Variants in SHISA9 observed in about 807,000 individuals in gnomAD.
SHISA9 encodes shisa family member 9.
Under a neutral mutation model 38.0 loss-of-function variants are expected in SHISA9, and 13 were observed. The ratio of observed to expected loss-of-function variants is 0.34; its 90% confidence interval spans 0.22 to 0.54. The LOEUF is 0.54. Among genes scored for constraint, SHISA9 ranks in the 20% least tolerant of loss-of-function variants. The pLI is 0.91. For synonymous variants in SHISA9, 275 were observed against 242.0 expected (o/e 1.14, Z -1.27); for missense variants, 538 against 575.8 (o/e 0.93, Z 0.67).
At chr16:13,151,290 A>G (rs1305217520) in intron 2 of SHISA9, among the ~76,000 whole-genome samples, 1 of 152,014 alleles carries the variant, frequency 6.6e-6, no homozygotes, top group Non-Finnish European at 1.5e-5. Context: ...TATTTTTAGT[A>G]GAGATGGGGT....
chr16:13,383,925 G>C, the SHISA9 span, among the ~76,000 whole-genome samples: 1 of 152,138 alleles, frequency 6.6e-6, no homozygotes, highest in Non-Finnish European at 1.5e-5. Context: ...AAAGTGCTAG[G>C]ATTACAGACG....
intron 4 of SHISA9, among the ~76,000 whole-genome samples, chr16:13,218,111 T>G (rs974891321): frequency 1.3e-5 from 2 of 152,188 alleles, no homozygotes; most frequent in African/African-American, 2.4e-5. Flanking sequence ...GCTTTTCTGC[T>G]TTTATACATG....
chr16:13,041,889 A>G (rs2073135877), intron 2 of SHISA9, among the ~76,000 whole-genome samples: 1 of 152,206 alleles, frequency 6.6e-6, no homozygotes, highest in Non-Finnish European at 1.5e-5. Flanking sequence ...CAGGGGTAAT[A>G]AGAAGAATAT....
chr16:12,915,674 T>C (rs989052370), intron 1 of SHISA9, among the ~76,000 whole-genome samples: 25 of 152,066 alleles, frequency 1.6e-4, no homozygotes, highest in African/African-American at 5.1e-4. Flanking sequence ...AAGTGAAATG[T>C]GGGGATTGCT....
chr16:13,461,937 T>C, the SHISA9 span, among the ~76,000 whole-genome samples: 5 of 152,052 alleles, frequency 3.3e-5, no homozygotes, highest in South Asian at 1.0e-3. Context: ...TAAGGAAGTA[T>C]TCACCCAGGA....
chr16:12,983,065 A>G (rs966672262), intron 2 of SHISA9, among the ~76,000 whole-genome samples: 3 of 152,194 alleles, frequency 2.0e-5, no homozygotes, highest in Non-Finnish European at 4.4e-5. Context: ...GTAGGCTCAA[A>G]TCTCCCATGT....
the SHISA9 span, among the ~76,000 whole-genome samples, chr16:13,459,178 A>G: frequency 6.6e-6 from 1 of 152,146 alleles, no homozygotes; most frequent in African/African-American, 2.4e-5. Context: ...AATGAGAAAA[A>G]AATTATTGAA....
the SHISA9 span, among the ~76,000 whole-genome samples, chr16:13,327,134 A>AAG: frequency 6.6e-6 from 1 of 152,126 alleles, no homozygotes; most frequent in East Asian, 1.9e-4. Context: ...CTCTATGTGA[A>AAG]AGACGCATTC....
rs66479481 is a variant in SHISA9, at chr16:13,186,984, G to A, written c.692-16410G>A. Among the ~76,000 whole-genome samples the A allele has an allele frequency of 8.5e-5, 13 of 152,092 alleles. 1 individual carries two copies. The highest frequency in any genetic ancestry group is 1.9e-4 in the African/African-American group (8 of 41,386). On this transcript the variant is annotated intron_variant, in intron 2 of 4. Coordinates refer to ENST00000558583, the MANE Select transcript of SHISA9 (RefSeq NM_001145204.3). ...TATCCATTCATCTGTCGATGGACAC[G>A]TGGGTTGCTACCACCTCCTGGCTGT...
At chr16:13,198,138 C>G (rs2050966487) in intron 2 of SHISA9, among the ~76,000 whole-genome samples, 1 of 151,918 alleles carries the variant, frequency 6.6e-6, no homozygotes, top group Non-Finnish European at 1.5e-5. Context: ...TGAGCTGACA[C>G]CACTCCACTG....
intron 4 of SHISA9, among the ~76,000 whole-genome samples, chr16:13,219,248 G>C (rs2051199847): frequency 6.6e-6 from 1 of 152,212 alleles, no homozygotes; most frequent in Non-Finnish European, 1.5e-5. Context: ...GCCAGATCCT[G>C]TTCATTCCAA....
At chr16:12,959,627 G>A (rs2071883248) in intron 2 of SHISA9, among the ~76,000 whole-genome samples, 1 of 152,210 alleles carries the variant, frequency 6.6e-6, no homozygotes, top group Non-Finnish European at 1.5e-5. Flanking sequence ...GATAACCATT[G>A]TTAGAACTTG....
At chr16:13,173,153 GCA>G (rs10589865) in intron 2 of SHISA9, among the ~76,000 whole-genome samples, 19,750 of 150,508 alleles carry the variant, frequency 0.13, 1,401 homozygotes, top group Middle Eastern at 0.18. Flanking sequence ...ATGCACGTGC[GCA>G]CACACACACA....
At chr16:13,553,635 G>A in the SHISA9 span, among the ~76,000 whole-genome samples, 1 of 151,960 alleles carries the variant, frequency 6.6e-6, no homozygotes, top group Admixed American at 6.6e-5. Flanking sequence ...TGGCTTGTGA[G>A]CCAGGCACAA....
At chr16:13,072,665 CT>C (rs1051565551) in intron 2 of SHISA9, among the ~76,000 whole-genome samples, 1,824 of 145,558 alleles carry the variant, frequency 0.013, 22 homozygotes, top group Middle Eastern at 0.014. Flanking sequence ...AAAGTAAAAT[CT>C]TTTTTTTTTT....
intron 2 of SHISA9, among the ~76,000 whole-genome samples, chr16:13,164,967 T>C (rs1400044946): frequency 6.6e-6 from 1 of 152,212 alleles, no homozygotes; most frequent in African/African-American, 2.4e-5. Context: ...TTCTCATCTC[T>C]GTTTCCTCTG....
intron 2 of SHISA9, among the ~76,000 whole-genome samples, chr16:12,933,702 G>A (rs1467901719): frequency 6.6e-6 from 1 of 151,988 alleles, no homozygotes; most frequent in Non-Finnish European, 1.5e-5. Flanking sequence ...TTGAAAATGG[G>A]GCACATTATG....
intron 2 of SHISA9, among the ~76,000 whole-genome samples, chr16:13,100,547 T>C (rs2073868321): frequency 6.6e-6 from 1 of 152,138 alleles, no homozygotes; most frequent in Non-Finnish European, 1.5e-5. Context: ...GAATGACAGC[T>C]CATTCATATT....
chr16:13,394,928 GGTGTGTGTGTGT>G, the SHISA9 span, among the ~76,000 whole-genome samples: 321 of 139,504 alleles, frequency 2.3e-3, 1 homozygote, highest in African/African-American at 7.4e-3. Flanking sequence ...CAGTATCTGG[GGTGTGTGTGTGT>G]GTGTGTGTGT....
Sources: allele counts gnomAD v4.1 joint callset (sites outside exome capture counted in the v4.1 genomes callset), GRCh38; gene constraint gnomAD v4.1.1; transcripts MANE v1.5; gene names NCBI Gene and HGNC (gene_info 2026-07-23, HGNC 2026-07-21).